The following GPR158 variants were observed in gnomAD, a reference collection of about 807,000 sequenced individuals.
GPR158 encodes metabotropic glycine receptor.
A neutral mutation model predicts 78.2 loss-of-function variants in GPR158; 30 were observed. That is an observed-to-expected ratio of 0.38 (90% confidence interval 0.29 to 0.52). GPR158 has a LOEUF of 0.52. Ranked by LOEUF, GPR158 falls within the 20% of genes least tolerant of loss-of-function variation. GPR158 has a pLI of 0.83. For synonymous variants in GPR158, 581 were observed against 591.1 expected (o/e 0.98, Z 0.25); for missense variants, 1,463 against 1,523.5 (o/e 0.96, Z 0.66).
At chr10:25,562,140 TAA>T (rs1428798152) in intron 6 of GPR158, among the ~76,000 whole-genome samples, 1 of 151,804 alleles carries the variant, frequency 6.6e-6, no homozygotes, top group East Asian at 2.0e-4. Context: ...TTTATTTACA[TAA>T]AGTCAGTAGA....
At chr10:25,279,997 CT>C (rs1854245916) in intron 2 of GPR158, among the ~76,000 whole-genome samples, 1 of 149,462 alleles carries the variant, frequency 6.7e-6, no homozygotes, top group African/African-American at 2.5e-5. Context: ...ATTATAACTA[CT>C]TATGAATTAG....
chr10:25,289,483 A>G (rs536692421), intron 2 of GPR158, among the ~76,000 whole-genome samples: 142 of 152,032 alleles, frequency 9.3e-4, no homozygotes, highest in African/African-American at 3.3e-3. Context: ...CCCAGGCTGG[A>G]GTGCAGTGGC....
chr10:25,319,832 A>G (rs1284230571), intron 2 of GPR158, among the ~76,000 whole-genome samples: 1 of 111,740 alleles, frequency 8.9e-6, no homozygotes, highest in African/African-American at 5.2e-5. Context: ...ACCCCCCCCA[A>G]AAAAAAACCC....
chr10:25,516,501 T>G (rs1836176560), intron 5 of GPR158, among the ~76,000 whole-genome samples: 1 of 148,036 alleles, frequency 6.8e-6, no homozygotes, highest in Non-Finnish European at 1.5e-5. Context: ...TTTATGGTTT[T>G]AGGTCTAACG....
chr10:25,405,657 T>C (rs965261054), intron 3 of GPR158, among the ~76,000 whole-genome samples: 4 of 151,728 alleles, frequency 2.6e-5, no homozygotes, highest in African/African-American at 9.7e-5. Context: ...AGCAGTTGAG[T>C]TATGATCAAC....
At chr10:25,483,377 C>T (rs1835685577) in intron 5 of GPR158, among the ~76,000 whole-genome samples, 1 of 151,928 alleles carries the variant, frequency 6.6e-6, no homozygotes, top group South Asian at 2.1e-4. Context: ...TTTTTCCTCC[C>T]CCCTTTCATG....
chr10:25,484,145 C>T (rs1425755040), intron 5 of GPR158, among the ~76,000 whole-genome samples: 3 of 152,156 alleles, frequency 2.0e-5, no homozygotes, highest in Admixed American at 1.3e-4. Flanking sequence ...CCACTGTTAT[C>T]TGTTCCCTCT....
At chr10:25,559,945 G>A (rs951207539) in intron 6 of GPR158, among the ~76,000 whole-genome samples, 1 of 152,226 alleles carries the variant, frequency 6.6e-6, no homozygotes, top group Non-Finnish European at 1.5e-5. Flanking sequence ...GGAAATTTAA[G>A]TCAAGAGTTT....
rs1852512594 is a variant in GPR158 at position 25,175,517 on chromosome 10, G to T, written c.97G>T (p.Asp33Tyr). Residue 33 changes from aspartate (D) to tyrosine (Y), a missense_variant, in exon 1 of 11, where the codon GAT becomes TAT. Coordinates refer to ENST00000376351, the MANE Select transcript of GPR158 (RefSeq NM_020752.3). The surrounding 1 kb of genome is among the most constrained non-coding windows in gnomAD (Gnocchi z 6.4). Reference sequence around the variant, plus strand: ...CAGCCGCGACCCCCAAGGACGGCCGGATTCCCCTCGAGAGAGGACCCCGAA... The same window carrying T: ...CAGCCGCGACCCCCAAGGACGGCCGTATTCCCCTCGAGAGAGGACCCCGAA... Reference protein sequence around the residue: ...GASRDPQGRPDSPRERTPKGK... With the variant: ...GASRDPQGRPYSPRERTPKGK... 1 of 1,612,158 alleles carries T rather than the reference G, an allele frequency of 6.2e-7. No homozygotes were observed. The highest frequency in any genetic ancestry group is 8.5e-7 in the Non-Finnish European group (1 of 1,179,844).
At chr10:25,429,879 C>T (rs1834875920) in intron 4 of GPR158, among the ~76,000 whole-genome samples, 2 of 139,642 alleles carry the variant, frequency 1.4e-5, no homozygotes, top group Non-Finnish European at 3.1e-5. Flanking sequence ...TAAGAGCTAT[C>T]TATGACAAAC....
intron 2 of GPR158, among the ~76,000 whole-genome samples, chr10:25,348,908 T>G (rs1195955445): frequency 6.6e-6 from 1 of 152,036 alleles, no homozygotes; most frequent in African/African-American, 2.4e-5. Context: ...CTTTGGAGCC[T>G]AAAGAAAAGC....
intron 5 of GPR158, among the ~76,000 whole-genome samples, chr10:25,474,260 G>A (rs1470202098): frequency 6.6e-6 from 1 of 152,066 alleles, no homozygotes; most frequent in Non-Finnish European, 1.5e-5. Context: ...TTGGGCATAG[G>A]ATCTCCGGAA....
rs184646277 is a variant in GPR158, at chr10:25,515,111, C to T, written c.1405-35865C>T. 2.4e-3 allele frequency among the ~76,000 whole-genome samples: 368 copies of T among 152,026 alleles called. 2 individuals carry two copies. The highest frequency in any genetic ancestry group is 8.5e-3 in the African/African-American group (352 of 41,508). ...CTCAATTATTCCCTCAAATGTTTTCCAAACTTTTCTTCCTTAGGAACACCA... is the reference window on the plus strand; with the variant it reads ...CTCAATTATTCCCTCAAATGTTTTCTAAACTTTTCTTCCTTAGGAACACCA... On this transcript the variant is annotated intron_variant, in intron 5 of 10. Coordinates refer to ENST00000376351, the MANE Select transcript of GPR158 (RefSeq NM_020752.3).
At chr10:25,487,284 A>G (rs898372522) in intron 5 of GPR158, among the ~76,000 whole-genome samples, 2 of 152,182 alleles carry the variant, frequency 1.3e-5, no homozygotes, top group Admixed American at 6.6e-5. Flanking sequence ...CTCCTGTTTT[A>G]TAGCTTATAC....
intron 2 of GPR158, among the ~76,000 whole-genome samples, chr10:25,239,235 G>A (rs955089351): frequency 6.6e-6 from 1 of 152,096 alleles, no homozygotes; most frequent in African/African-American, 2.4e-5. Flanking sequence ...TGAAATTCAG[G>A]AGGTATGGAG....
chr10:25,310,582 T>G (rs1854748427), intron 2 of GPR158, among the ~76,000 whole-genome samples: 1 of 152,142 alleles, frequency 6.6e-6, no homozygotes, highest in African/African-American at 2.4e-5. Context: ...GTGTTGTGGT[T>G]TTTATTATAT....
Position 25,598,445 on chromosome 10 carries a change from A to C in GPR158, c.2819A>C (p.Glu940Ala), listed in dbSNP as rs1259431672. ...CAGAAACCTTTGCCAAAAGATAAAGAGACAAACAGAAATCACTCAAATTCT... is the reference window on the plus strand; with the variant it reads ...CAGAAACCTTTGCCAAAAGATAAAGCGACAAACAGAAATCACTCAAATTCT... ...KSQKPLPKDK[E>A]TNRNHSNSDN... The change falls in exon 11 of 11, where the codon GAG (glutamate) becomes GCG (alanine). Residue 940 changes from glutamate (E) to alanine (A), a missense_variant. By Grantham distance (107) the Glu-to-Ala change is moderately radical. Coordinates refer to ENST00000376351, the MANE Select transcript of GPR158 (RefSeq NM_020752.3). 1.9e-6 allele frequency: 3 copies of C among 1,614,110 alleles called. No individual in the cohort carries two copies. Among genetic ancestry groups the C allele is most frequent in the Non-Finnish European group, 2.5e-6 (3 of 1,180,012 alleles).
intron 2 of GPR158, among the ~76,000 whole-genome samples, chr10:25,319,446 T>C (rs75353190): frequency 0.047 from 7,130 of 152,162 alleles, 356 homozygotes; most frequent in African/African-American, 0.13. Flanking sequence ...TTCCATAGGA[T>C]TTGTTGAACA....
At chr10:25,208,611 A>T (rs1853082725) in intron 1 of GPR158, among the ~76,000 whole-genome samples, 2 of 144,180 alleles carry the variant, frequency 1.4e-5, no homozygotes, top group South Asian at 4.3e-4. Flanking sequence ...TGTGTATTAG[A>T]ATTGAGAAGT....
Sources: allele counts gnomAD v4.1 joint callset (sites outside exome capture counted in the v4.1 genomes callset), GRCh38; gene constraint gnomAD v4.1.1; non-coding constraint Gnocchi (gnomAD v3.1); transcripts MANE v1.5; gene names NCBI Gene and HGNC (gene_info 2026-07-23, HGNC 2026-07-21).